AKAP6: variants seen among roughly 807,000 people sequenced by gnomAD.
The protein encoded by AKAP6 is A-kinase anchor protein 6.
AKAP6 carries 58 observed loss-of-function variants against 188.5 expected under a neutral mutation model. The observed-to-expected ratio is 0.31, with a 90% CI of 0.25 to 0.38. The LOEUF is 0.38. Among genes scored for constraint, AKAP6 ranks in the 10% least tolerant of loss-of-function variants. The pLI is 1.00. For synonymous variants in AKAP6, 989 were observed against 998.6 expected (o/e 0.99, Z 0.18); for missense variants, 2,710 against 2,740.0 (o/e 0.99, Z 0.24).
Position 32,822,794 on chromosome 14 carries a change from A to T in AKAP6, c.4981A>T (p.Ser1661Cys). The T allele has an allele frequency of 6.2e-7, 1 of 1,613,944 alleles. No homozygotes were observed. Among genetic ancestry groups the T allele is most frequent in the South Asian group, 1.1e-5 (1 of 91,078 alleles). ...AAGTGTTTCTGATATCACTCTTCAA[A>T]GCAGTTCCCAAAAGATGTCCTTTAC... ...KRSVSDITLQ[S>C]SSQKMSFTGQ... The change falls in exon 13 of 14, where the codon AGC becomes TGC. Residue 1661 changes from serine (S) to cysteine (C), a missense_variant. Physicochemically the swap from Ser to Cys is moderately radical, Grantham distance 112. Around this residue, in one of 2 missense-constraint regions of AKAP6, gnomAD observed 2,473 missense variants for 2,426.1 expected, o/e 1.02. Coordinates refer to ENST00000280979, the MANE Select transcript of AKAP6 (RefSeq NM_004274.5).
At chr14:32,382,186 T>G (rs1390545491) in intron 1 of AKAP6, among the ~76,000 whole-genome samples, 1 of 152,220 alleles carries the variant, frequency 6.6e-6, no homozygotes, top group Non-Finnish European at 1.5e-5. Flanking sequence ...CTGCTGATAC[T>G]AGTGCTTTTT....
intron 11 of AKAP6, among the ~76,000 whole-genome samples, chr14:32,756,207 G>T (rs1364259601): frequency 6.6e-6 from 1 of 152,160 alleles, no homozygotes; most frequent in African/African-American, 2.4e-5. Flanking sequence ...CCTGAAGCTT[G>T]TGTCTGTGGT....
At chr14:32,805,069 A>G (rs573127079) in intron 12 of AKAP6, among the ~76,000 whole-genome samples, 17 of 152,298 alleles carry the variant, frequency 1.1e-4, no homozygotes, top group African/African-American at 4.1e-4. Context: ...AGTTAACACA[A>G]TTATCACAAT....
Position 32,557,409 on chromosome 14 carries a change from CTT to C in AKAP6, c.2346+10413_2346+10414del, listed in dbSNP as rs754380712. 1.8e-3 allele frequency among the ~76,000 whole-genome samples: 279 copies of C among 152,198 alleles called. 1 individual carries two copies. The highest frequency in any genetic ancestry group is 3.2e-3 in the Non-Finnish European group (220 of 67,994). On this transcript the variant is annotated intron_variant, in intron 4 of 13. Transcript: ENST00000280979. Reference sequence around the variant, plus strand: ...GCCGCATGGCCCATTATAGCCTACTCTTTTAAAAAAAGTCCTGTCTAGCCATT... The same window carrying C: ...GCCGCATGGCCCATTATAGCCTACTCTTAAAAAAAGTCCTGTCTAGCCATT...
At chr14:32,456,376 G>C (rs1396205884) in intron 2 of AKAP6, among the ~76,000 whole-genome samples, 1 of 151,776 alleles carries the variant, frequency 6.6e-6, no homozygotes, top group African/African-American at 2.4e-5. Flanking sequence ...GTTTAATTTT[G>C]ACTTCAAAAA....
chr14:32,519,393 G>T (rs1467271609), intron 2 of AKAP6, among the ~76,000 whole-genome samples: 2 of 152,136 alleles, frequency 1.3e-5, no homozygotes, highest in Non-Finnish European at 2.9e-5. Flanking sequence ...AAAAGACACA[G>T]ACTGGCAAAT....
Position 32,822,977 on chromosome 14 carries a change from C to A in AKAP6, c.5164C>A (p.Leu1722Met), listed in dbSNP as rs747346134. 1 of 1,613,768 alleles carries A rather than the reference C, an allele frequency of 6.2e-7. No individual in the cohort carries two copies. The highest frequency in any genetic ancestry group is 8.5e-7 in the Non-Finnish European group (1 of 1,179,918). The change falls in exon 13 of 14, where the codon CTG becomes ATG. Residue 1722 changes from leucine to methionine, a missense_variant. This residue lies in a region of AKAP6 where 2,473 missense variants were observed against 2,426.1 expected (regional missense o/e 1.02). Transcript: ENST00000280979. Reference sequence around the variant, plus strand: ...ATCGAATGCATCGTTCAGGAAGCGTCTGACTCGTTCAGTGGCTGATGAAAG... The same window carrying A: ...ATCGAATGCATCGTTCAGGAAGCGTATGACTCGTTCAGTGGCTGATGAAAG... Reference protein sequence around the residue: ...PESNASFRKRLTRSVADESDV... With the variant: ...PESNASFRKRMTRSVADESDV...
intron 9 of AKAP6, among the ~76,000 whole-genome samples, chr14:32,717,558 C>T (rs1256233723): frequency 6.6e-6 from 1 of 151,784 alleles, no homozygotes; most frequent in African/African-American, 2.4e-5. Context: ...ATTACATTCT[C>T]CAAATTTTCA....
intron 2 of AKAP6, among the ~76,000 whole-genome samples, chr14:32,521,524 G>T (rs1205876740): frequency 1.3e-5 from 2 of 152,142 alleles, no homozygotes; most frequent in African/African-American, 4.8e-5. Context: ...AAAATCACAA[G>T]CATTCCTATA....
At chr14:32,434,491 C>T (rs578225506) in intron 2 of AKAP6, among the ~76,000 whole-genome samples, 1 of 152,152 alleles carries the variant, frequency 6.6e-6, no homozygotes, top group Admixed American at 6.5e-5. Context: ...GTGAACCTCG[C>T]CCTGCCATAG....
intron 1 of AKAP6, among the ~76,000 whole-genome samples, chr14:32,388,446 A>G (rs1297736767): frequency 6.6e-6 from 1 of 151,336 alleles, no homozygotes; most frequent in African/African-American, 2.4e-5. Flanking sequence ...TTTGAGGTCT[A>G]GATTGTCTGT....
At chr14:32,805,355 G>T (rs8003015) in intron 12 of AKAP6, among the ~76,000 whole-genome samples, 2 of 152,178 alleles carry the variant, frequency 1.3e-5, no homozygotes, top group African/African-American at 2.4e-5. Context: ...ATGCAGAGTT[G>T]CCCAGCCATG....
At chr14:32,575,662 T>C (rs1884684513) in intron 4 of AKAP6, among the ~76,000 whole-genome samples, 1 of 152,178 alleles carries the variant, frequency 6.6e-6, no homozygotes, top group Admixed American at 6.6e-5. Flanking sequence ...AAATCTTGCA[T>C]TTGTGAAATC....
chr14:32,430,501 G>A (rs907209588), intron 1 of AKAP6, among the ~76,000 whole-genome samples: 2 of 152,120 alleles, frequency 1.3e-5, no homozygotes, highest in Non-Finnish European at 2.9e-5. Context: ...GAGAAAACAC[G>A]GTGACTAAGC....
chr14:32,615,307 T>C (rs1207086571), intron 7 of AKAP6, among the ~76,000 whole-genome samples: 3 of 151,798 alleles, frequency 2.0e-5, no homozygotes, highest in African/African-American at 7.3e-5. Flanking sequence ...ATGCTTAATA[T>C]GCCAAGGATG....
chr14:32,548,942 T>C (rs17099246), intron 4 of AKAP6, among the ~76,000 whole-genome samples: 28,769 of 152,158 alleles, frequency 0.19, 3,984 homozygotes, highest in African/African-American at 0.39. Flanking sequence ...CGTTGTCGAA[T>C]ACTACTCTGA....
In AKAP6 at chr14:32,742,038, C is replaced by T. The variant is rs143364023; in HGVS notation, c.3372+6156C>T. ...TTTACTGGGGGATTTTTTATTATGG[C>T]TTCAATCTCATTACTTGTTATTGGT... On this transcript the variant is annotated intron_variant, in intron 11 of 13. Coordinates refer to ENST00000280979, the MANE Select transcript of AKAP6 (RefSeq NM_004274.5). Among the ~76,000 whole-genome samples, 1,303 of 151,670 alleles carry T rather than the reference C, an allele frequency of 8.6e-3. 16 individuals are homozygous for T. Among genetic ancestry groups the T allele is most frequent in the African/African-American group, 0.03 (1,244 of 41,416 alleles).
rs142134932 is a variant in AKAP6, at chr14:32,675,788, A to T, written c.2731-2523A>T. ...GATTATAACATTTCAATCATTTTGT[A>T]AGGTGACTATTTTTCGAGTTACTCT... On this transcript the variant is annotated intron_variant, in intron 7 of 13. Transcript: ENST00000280979. 7.2e-5 allele frequency among the ~76,000 whole-genome samples: 11 copies of T among 152,360 alleles called. No individual in the cohort carries two copies. In the East Asian group the frequency reaches 2.1e-3, roughly 29 times the overall value.
intron 8 of AKAP6, among the ~76,000 whole-genome samples, chr14:32,684,523 C>T (rs1023488213): frequency 3.9e-5 from 6 of 152,072 alleles, no homozygotes; most frequent in African/African-American, 1.4e-4. Flanking sequence ...AGATTGCTTC[C>T]AACTACACAA....
Sources: allele counts gnomAD v4.1 joint callset (sites outside exome capture counted in the v4.1 genomes callset), GRCh38; gene constraint gnomAD v4.1.1; regional missense constraint gnomAD v4.1.1; transcripts MANE v1.5; gene names NCBI Gene and HGNC (gene_info 2026-07-23, HGNC 2026-07-21).